Variants in AGAP3 observed in about 807,000 individuals in gnomAD.
AGAP3 encodes arf-GAP with GTPase, ANK repeat and PH domain-containing protein 3.
Under a neutral mutation model 96.9 loss-of-function variants are expected in AGAP3, and 24 were observed. The observed-to-expected ratio is 0.25, with a 90% confidence interval of 0.18 to 0.35. AGAP3 has a LOEUF of 0.35. Ranked by LOEUF, AGAP3 falls within the 10% of genes least tolerant of loss-of-function variation. The pLI is 1.00. For synonymous variants in AGAP3, 563 were observed against 536.1 expected, an observed-to-expected ratio of 1.05 and a Z score of -0.69; for missense variants, 876 against 1,254.2, an observed-to-expected ratio of 0.70 and a Z score of 4.55.
At position 151,141,543 on chromosome 7, in the gene AGAP3, C is replaced by T. The variant is rs1330564664; in HGVS notation, c.1805-355C>T. The T allele has an allele frequency of 6.9e-6, 2 of 290,480 alleles. No individual in the cohort carries two copies. Among genetic ancestry groups the T allele is most frequent in the Admixed American group, 9.3e-5 (2 of 21,466 alleles). 18.0% of individuals were successfully genotyped at this position (290,480 alleles called of 1,614,324 possible). A position where few individuals can be genotyped will look rare whatever the true frequency, so the allele number is the denominator to read the frequency against. Reference sequence around the variant, plus strand: ...CCCTCTCCCAGTGTTTGCCTCCTAGCACCCCGTCACATCCTTCTCCAGATA... The same window carrying T: ...CCCTCTCCCAGTGTTTGCCTCCTAGTACCCCGTCACATCCTTCTCCAGATA... On this transcript the variant is annotated intron_variant, in intron 13 of 17. Transcript: ENST00000397238. The surrounding 1 kb of genome is among the most constrained non-coding windows in gnomAD (Gnocchi z 4.2).
intron 1 of AGAP3, 125 bp from the exon 2 acceptor site, chr7:151,116,668 C>G (rs73169605): frequency 9.6e-7 from 1 of 1,042,520 alleles, no homozygotes; most frequent in East Asian, 2.4e-5. Context: ...TTGGGGGTCC[C>G]GTGGAGGAAG....
chr7:151,127,452 C>T (rs1169821890), intron 9 of AGAP3, among the ~76,000 whole-genome samples: 1 of 152,234 alleles, frequency 6.6e-6, no homozygotes, highest in African/African-American at 2.4e-5. Context: ...GCCCCACACT[C>T]AGCCCCCAGT....
At chr7:151,115,885 G>A (rs906211692) in intron 1 of AGAP3, among the ~76,000 whole-genome samples, 2 of 152,216 alleles carry the variant, frequency 1.3e-5, no homozygotes, top group Non-Finnish European at 2.9e-5. Flanking sequence ...AGAGGGCTCT[G>A]GGCTAGGCCA....
chr7:151,128,334 G>A (rs774046671), intron 9 of AGAP3: 41 of 498,010 alleles, frequency 8.2e-5, no homozygotes, highest in Non-Finnish European at 1.3e-4. Context: ...GAGGGAAGAC[G>A]CCCACCTGCC....
In AGAP3 at chr7:151,142,646, G is replaced by C; in HGVS notation, c.2273+12G>C. ...CCTGATGCCTGCAGGTGAGCAGATG[G>C]TGCCCTGGAGCTGGCCAGGAATGGG... On this transcript the variant is annotated intron_variant, in intron 16 of 17. Coordinates refer to ENST00000397238, the MANE Select transcript of AGAP3 (RefSeq NM_031946.7). This position sits in a 1 kb window ranked among gnomAD's most constrained non-coding sequence, Gnocchi z 7.5. The C allele has an allele frequency of 6.2e-7, 1 of 1,610,066 alleles. No individual in the cohort carries two copies. The highest frequency in any genetic ancestry group is 8.5e-7 in the Non-Finnish European group (1 of 1,179,276).
At chr7:151,120,213 C>T (rs1799811577) in intron 8 of AGAP3, 68 bp downstream of exon 8, 2 of 1,510,818 alleles carry the variant, frequency 1.3e-6, no homozygotes, top group Non-Finnish European at 1.8e-6. Context: ...CGCCGAGCTC[C>T]CAGCCAGGAG....
chr7:151,120,994 C>T (rs575692594), intron 8 of AGAP3: 5 of 321,200 alleles, frequency 1.6e-5, no homozygotes, highest in East Asian at 3.0e-4. Flanking sequence ...TGGGTTGTCA[C>T]GAGAGCGCCC....
In AGAP3 at chr7:151,118,963, C is replaced by T. The variant is rs1391766260; in HGVS notation, c.969+331C>T. 2.0e-5 allele frequency among the ~76,000 whole-genome samples: 3 copies of T among 152,228 alleles called. No individual in the cohort carries two copies. Among genetic ancestry groups the T allele is most frequent in the Admixed American group, 2.0e-4 (3 of 15,290 alleles). ...GGTGGCATGGTCAAGGCAGCAGCCA[C>T]TGCACTTTACCTCTGCCAATGACCG... is the stretch of plus-strand genomic sequence containing the variant. On this transcript the variant is annotated intron_variant, in intron 7 of 17. Coordinates refer to ENST00000397238, the MANE Select transcript of AGAP3 (RefSeq NM_031946.7). The surrounding 1 kb of genome is among the most constrained non-coding windows in gnomAD (Gnocchi z 6.1).
At chr7:151,112,007 G>GT (rs1274924346) in intron 1 of AGAP3, among the ~76,000 whole-genome samples, 3 of 152,294 alleles carry the variant, frequency 2.0e-5, no homozygotes, top group Admixed American at 2.0e-4. Context: ...GCACAGCTGT[G>GT]TTTGCTGCGT....
At chr7:151,112,015 C>T (rs377205798) in intron 1 of AGAP3, among the ~76,000 whole-genome samples, 2 of 152,132 alleles carry the variant, frequency 1.3e-5, no homozygotes, top group Non-Finnish European at 2.9e-5. Context: ...GTGTTTGCTG[C>T]GTGTCTTTGG....
chr7:151,128,719 T>A lies in AGAP3; in HGVS notation c.1326+35T>A, dbSNP rs75750968. On this transcript the variant is annotated intron_variant, in intron 10 of 17. Coordinates refer to ENST00000397238, the MANE Select transcript of AGAP3 (RefSeq NM_031946.7). ...GGAGGAGGAGCCTCCTGGGGGAGTA[T>A]GGGGAGGGGGTGGAGGGAGGATAAC... 3.5e-3 allele frequency: 5,151 copies of A among 1,489,246 alleles called. 68 individuals carry two copies. The African/African-American group carries it at 0.039, about 11-fold the overall frequency. The allele number at this position is 1,489,246 out of a possible 1,614,324, so 92.3% of individuals were successfully genotyped here.
At chr7:151,119,082 C>T (rs1396545980) in intron 7 of AGAP3, 3 of 191,438 alleles carry the variant, frequency 1.6e-5, no homozygotes, top group African/African-American at 4.6e-5. Flanking sequence ...TGTGAGAAGG[C>T]GGCAGCGTTC....
At chr7:151,120,238 C>T in intron 8 of AGAP3, 93 bp downstream of exon 8, 4 of 1,371,154 alleles carry the variant, frequency 2.9e-6, no homozygotes, top group Non-Finnish European at 4.0e-6. Context: ...GTGGGCAGCC[C>T]CAAGTCAGGA....
At chr7:151,117,507 C>T in intron 4 of AGAP3, 51 bp downstream of exon 4, 2 of 1,613,584 alleles carry the variant, frequency 1.2e-6, no homozygotes, top group African/African-American at 1.3e-5. Context: ...GGAGCCCTTT[C>T]TCGAGCTTGC....
At chr7:151,134,318 A>T in intron 10 of AGAP3, 82 bp from the exon 11 acceptor site, 1 of 1,482,710 alleles carries the variant, frequency 6.7e-7, no homozygotes. Flanking sequence ...CACAGCAGGG[A>T]GAGACCTAGG....
At chr7:151,107,995 C>A (rs4725390) in intron 1 of AGAP3, among the ~76,000 whole-genome samples, 1 of 152,206 alleles carries the variant, frequency 6.6e-6, no homozygotes, top group Non-Finnish European at 1.5e-5. Flanking sequence ...TCCTCTGGCA[C>A]GGCACCGGCC....
chr7:151,096,871 C>T lies in AGAP3; in HGVS notation c.331+9799C>T, dbSNP rs988623490. Among the ~76,000 whole-genome samples, 3 of 152,040 alleles carry T rather than the reference C, an allele frequency of 2.0e-5. No individual in the cohort carries two copies. The South Asian group carries it at 6.2e-4, about 32-fold the overall frequency. On this transcript the variant is annotated intron_variant, in intron 1 of 17. Transcript: ENST00000397238. This position sits in a 1 kb window ranked among gnomAD's most constrained non-coding sequence, Gnocchi z 4.4. Reference sequence around the variant, plus strand: ...TCAGCTCACTGCAACCTCTGCCTCCCGAGTTCAAGCAATTCTCGTGCCTCA... The same window carrying T: ...TCAGCTCACTGCAACCTCTGCCTCCTGAGTTCAAGCAATTCTCGTGCCTCA...
chr7:151,113,601 G>T (rs1282588161), intron 1 of AGAP3, among the ~76,000 whole-genome samples: 2 of 152,210 alleles, frequency 1.3e-5, no homozygotes, highest in Admixed American at 1.3e-4. Flanking sequence ...GGGCAGTATT[G>T]TCTTTTTAAA....
rs552474810 is a variant in AGAP3, at chr7:151,116,688, T to C, written c.332-105T>C. On this transcript the variant is annotated intron_variant, in intron 1 of 17. Transcript: ENST00000397238. ...GGTCCCGTGGAGGAAGCTGCTGTCCTCTGGCCTGGGCTTGGGGAGGGCATC... is the reference window on the plus strand; with the variant it reads ...GGTCCCGTGGAGGAAGCTGCTGTCCCCTGGCCTGGGCTTGGGGAGGGCATC... 195 of 1,336,282 alleles carry C rather than the reference T, an allele frequency of 1.5e-4. No homozygotes were observed. The African/African-American group carries it at 2.5e-3, about 17-fold the overall frequency. 82.8% of individuals were successfully genotyped at this position (1,336,282 alleles called of 1,614,324 possible).
Sources: allele counts gnomAD v4.1 joint callset (sites outside exome capture counted in the v4.1 genomes callset), GRCh38; gene constraint gnomAD v4.1.1; non-coding constraint Gnocchi (gnomAD v3.1); transcripts MANE v1.5; gene names NCBI Gene and HGNC (gene_info 2026-07-23, HGNC 2026-07-21).